The following LIPJ variants were observed in gnomAD, a reference collection of about 807,000 sequenced individuals.
LIPJ encodes the protein lipase family member J.
In LIPJ, 33 loss-of-function variants were observed where a neutral mutation model predicts 39.8. The observed-to-expected ratio is 0.83, with a 90% CI of 0.63 to 1.11. The LOEUF is 1.11. Among genes scored for constraint, LIPJ ranks in the 50% least tolerant of loss-of-function variants. The pLI, the probability that LIPJ is intolerant of heterozygous loss-of-function variation, is 0.00. For synonymous variants in LIPJ, 128 were observed against 139.2 expected, an observed-to-expected ratio of 0.92 and a Z score of 0.57; for missense variants, 422 against 427.9, an observed-to-expected ratio of 0.99 and a Z score of 0.12.
In LIPJ at chr10:88,592,112, G is replaced by A. The variant is rs187410571; in HGVS notation, c.130+614G>A. The A allele has an allele frequency of 2.6e-5, 4 of 151,982 alleles. No individual in the cohort carries two copies. In the East Asian group the frequency reaches 7.7e-4, roughly 29 times the overall value. 9.4% of individuals were successfully genotyped at this position (151,982 alleles called of 1,614,324 possible). A position where few individuals can be genotyped will look rare whatever the true frequency, so the allele number is the denominator to read the frequency against. The stretch of plus-strand genomic sequence containing the variant: ...CCTTAGCTTTTCTTCCTGAAAGAAT[G>A]TTTCTTTCAGAAGGAAACAGGATGT... On this transcript the variant is annotated intron_variant, in intron 4 of 10. Transcript: ENST00000371939.
chr10:88,601,492 A>C (rs1360403217), intron 8 of LIPJ, among the ~76,000 whole-genome samples: 1 of 152,198 alleles, frequency 6.6e-6, no homozygotes, highest in Non-Finnish European at 1.5e-5. Context: ...GTCCAACTCT[A>C]TAGCACCCAC....
intron 7 of LIPJ, 30 bp downstream of exon 7, chr10:88,596,446 A>G (rs768261204): frequency 6.9e-7 from 1 of 1,455,770 alleles, no homozygotes; most frequent in East Asian, 2.5e-5. Context: ...TATGTCATTG[A>G]TAACCCAAAG....
At chr10:88,621,613 A>G in the LIPJ span, among the ~76,000 whole-genome samples, 1 of 152,174 alleles carries the variant, frequency 6.6e-6, no homozygotes, top group African/African-American at 2.4e-5. Flanking sequence ...ACATTTGTAA[A>G]AACTTATAGA....
At chr10:88,596,280 G>T in exon 7 of LIPJ, 2 of 1,391,204 alleles carry the variant, frequency 1.4e-6, no homozygotes, top group Non-Finnish European at 1.9e-6. Context: ...TTTATTTTAG[G>T]TTTCATAACA....
chr10:88,602,966 C>T (rs1851546218), intron 9 of LIPJ, among the ~76,000 whole-genome samples: 1 of 152,032 alleles, frequency 6.6e-6, no homozygotes, highest in Non-Finnish European at 1.5e-5. Flanking sequence ...GTGGCACATG[C>T]CTGTAATTCC....
At chr10:88,605,752 T>C in intron 10 of LIPJ, 48 bp downstream of exon 10, 1 of 1,190,652 alleles carries the variant, frequency 8.4e-7, no homozygotes, top group Non-Finnish European at 1.2e-6. Flanking sequence ...CTTTTTCAGA[T>C]AACTTTGCTA....
chr10:88,592,397 A>C (rs550019816), intron 4 of LIPJ: 8 of 152,094 alleles, frequency 5.3e-5, no homozygotes, highest in Admixed American at 5.3e-4. Context: ...CAAGTGCCTT[A>C]GAGTGCTCTA....
chr10:88,609,667 G>T (rs1229756828), downstream of LIPJ, among the ~76,000 whole-genome samples: 2 of 152,168 alleles, frequency 1.3e-5, no homozygotes. Context: ...TTGAGAGGCT[G>T]AGGCGGGTGG....
chr10:88,613,800 A>ATATATATATATATATATATG, the LIPJ span, among the ~76,000 whole-genome samples: 163 of 74,108 alleles, frequency 2.2e-3, 1 homozygote, highest in Non-Finnish European at 3.6e-3. Context: ...ATATATATAT[A>ATATATATATATATATATATG]TGTGTGTGTG....
chr10:88,607,173 C>T (rs542826494), downstream of LIPJ, among the ~76,000 whole-genome samples: 33 of 152,056 alleles, frequency 2.2e-4, no homozygotes, highest in Non-Finnish European at 4.7e-4. Flanking sequence ...TAATCTTTAA[C>T]ATTTCAATTG....
the LIPJ span, among the ~76,000 whole-genome samples, chr10:88,619,970 C>A: frequency 6.6e-6 from 1 of 151,994 alleles, no homozygotes; most frequent in Non-Finnish European, 1.5e-5. Context: ...AAACAAGCAA[C>A]AAACTTGGAG....
downstream of LIPJ, among the ~76,000 whole-genome samples, chr10:88,611,604 A>G (rs1346110823): frequency 6.6e-6 from 1 of 152,254 alleles, no homozygotes; most frequent in Non-Finnish European, 1.5e-5. Context: ...GGACACACTT[A>G]GAGAAATGCA....
downstream of LIPJ, chr10:88,607,038 G>A (rs1851691407): frequency 3.1e-6 from 3 of 969,062 alleles, no homozygotes; most frequent in African/African-American, 5.0e-5. Context: ...TATTCTCATT[G>A]ACCTTAGGCC....
At chr10:88,613,369 G>A in the LIPJ span, among the ~76,000 whole-genome samples, 2 of 152,114 alleles carry the variant, frequency 1.3e-5, no homozygotes, top group African/African-American at 4.8e-5. Context: ...CAGATCACAG[G>A]TTTACCCAGT....
chr10:88,589,802 G>A (rs1267172830), intron 2 of LIPJ, among the ~76,000 whole-genome samples: 1 of 151,768 alleles, frequency 6.6e-6, no homozygotes, highest in Non-Finnish European at 1.5e-5. Flanking sequence ...TCAGATTTAA[G>A]TTTTATAACA....
At chr10:88,616,712 C>T in the LIPJ span, among the ~76,000 whole-genome samples, 3 of 152,188 alleles carry the variant, frequency 2.0e-5, no homozygotes, top group African/African-American at 7.2e-5. Context: ...CCCGCAACCC[C>T]TGCCTCAGGC....
chr10:88,589,944 CCTT>C (rs1851025346), intron 2 of LIPJ, among the ~76,000 whole-genome samples: 1 of 151,606 alleles, frequency 6.6e-6, no homozygotes, highest in Non-Finnish European at 1.5e-5. Flanking sequence ...TGAATCATGT[CCTT>C]CTGAGTATAG....
At chr10:88,585,976 A>G (rs576767118), upstream of LIPJ, among the ~76,000 whole-genome samples, 12 of 152,324 alleles carry the variant, frequency 7.9e-5, no homozygotes, top group East Asian at 3.9e-4. Context: ...GCTAAACTGA[A>G]TATCTTTCTT....
chr10:88,613,764 G>A, the LIPJ span, among the ~76,000 whole-genome samples: 1 of 57,600 alleles, frequency 1.7e-5, no homozygotes, highest in Non-Finnish European at 3.9e-5. Flanking sequence ...ATATATATGT[G>A]TGTGTGTATA....
Sources: gnomAD v4.1 joint callset for allele counts (sites outside exome capture counted in the v4.1 genomes callset) on GRCh38, gnomAD v4.1.1 for gene constraint, MANE v1.5 for transcripts, NCBI Gene and HGNC (gene_info 2026-07-23, HGNC 2026-07-21) for gene names.